The following KLC1 variants were observed in gnomAD, a reference collection of about 807,000 sequenced individuals.
KLC1 encodes the protein kinesin 2 60/70kDa.
Under a neutral mutation model 84.2 loss-of-function variants are expected in KLC1, and 30 were observed. That is an observed-to-expected ratio of 0.36 (90% CI 0.27 to 0.48). The LOEUF is 0.48. KLC1 is among the 20% of genes least tolerant of loss of function. The probability of loss-of-function intolerance (pLI) is 0.99; values close to 1 mark genes in which losing one functional copy is unlikely to be tolerated. For synonymous variants in KLC1, 289 were observed against 293.3 expected (o/e 0.99, Z 0.15); for missense variants, 499 against 805.4 (o/e 0.62, Z 4.60).
chr14:103,653,063 C>T (rs543632627), intron 1 of KLC1, among the ~76,000 whole-genome samples: 9 of 152,180 alleles, frequency 5.9e-5, no homozygotes, highest in Non-Finnish European at 1.3e-4. Flanking sequence ...TCCATCCATT[C>T]ACTACATGGA....
In KLC1 at chr14:103,664,819, CTTTTTTTTTTT is replaced by C. The variant is rs34967823; in HGVS notation, c.797+1906_797+1916del. Among the ~76,000 whole-genome samples the C allele has an allele frequency of 5.9e-5, 6 of 101,980 alleles. No individual in the cohort carries two copies. In the East Asian group the frequency reaches 1.1e-3, roughly 19 times the overall value. 66.9% of individuals were successfully genotyped at this position (101,980 alleles called of 152,430 possible). ...CGTGAACCACTGCACTTGGCCAAGG[CTTTTTTTTTTT>C]TTTTTTTTTTTTTAAACTTATATGC... On this transcript the variant is annotated intron_variant, in intron 5 of 16. Transcript: ENST00000334553.
At chr14:103,681,024 C>T (rs1370060129) in intron 13 of KLC1, among the ~76,000 whole-genome samples, 3 of 152,174 alleles carry the variant, frequency 2.0e-5, no homozygotes, top group Admixed American at 6.5e-5. Context: ...CCGTCAGGCC[C>T]GCGGGCTGGA....
In KLC1 at chr14:103,679,505, A is replaced by G; in HGVS notation, c.1610A>G (p.Asp537Gly). 1 of 1,614,008 alleles carries G rather than the reference A, an allele frequency of 6.2e-7. No homozygotes were observed. The highest frequency in any genetic ancestry group is 8.5e-7 in the Non-Finnish European group (1 of 1,179,938). ...GTGGTCAAGTACGAGAGTGGCCCTGACGGAGGGGAGGAAGTGAGTATGAGC... is the reference window on the plus strand; with the variant it reads ...GTGGTCAAGTACGAGAGTGGCCCTGGCGGAGGGGAGGAAGTGAGTATGAGC... ...VDVVKYESGP[D>G]GGEEVSMSVE... is the part of the protein sequence containing the mutation. Residue 537 changes from aspartate to glycine, a missense_variant, in exon 13 of 17, where the codon GAC (aspartate) becomes GGC (glycine). Around this residue, in one of 3 missense-constraint regions of KLC1, gnomAD observed 167 missense variants for 208.8 expected, o/e 0.80. Transcript: ENST00000334553.
At chr14:103,679,774 T>G in intron 13 of KLC1, 1 of 493,530 alleles carries the variant, frequency 2.0e-6, no homozygotes, top group Non-Finnish European at 3.6e-6. Flanking sequence ...CTTTGAGCAC[T>G]TAAATGCTGA....
chr14:103,691,626 G>A (rs907097403), intron 14 of KLC1, among the ~76,000 whole-genome samples: 7 of 151,714 alleles, frequency 4.6e-5, no homozygotes, highest in African/African-American at 1.7e-4. Context: ...ATGCCACCAT[G>A]CCCAGCTAAT....
chr14:103,680,925 C>T (rs371571781), intron 13 of KLC1, among the ~76,000 whole-genome samples: 39 of 152,134 alleles, frequency 2.6e-4, no homozygotes, highest in Admixed American at 3.9e-4. Context: ...AAAATGGTGA[C>T]GATTCAGAGC....
At chr14:103,674,878 T>C (rs905049166) in intron 9 of KLC1, among the ~76,000 whole-genome samples, 10 of 152,144 alleles carry the variant, frequency 6.6e-5, no homozygotes, top group African/African-American at 2.4e-4. Flanking sequence ...TTTGCTGGGG[T>C]GTCTTGACAG....
intron 15 of KLC1, chr14:103,698,750 C>T (rs1276162892): frequency 1.8e-5 from 28 of 1,531,788 alleles, no homozygotes; most frequent in South Asian, 8.3e-5. Flanking sequence ...GCCCGAGCCC[C>T]GTGTGTCGGG....
At chr14:103,672,849 G>C (rs868009217) in intron 7 of KLC1, among the ~76,000 whole-genome samples, 165 bp from the exon 8 acceptor site, 1 of 152,170 alleles carries the variant, frequency 6.6e-6, no homozygotes, top group Non-Finnish European at 1.5e-5. Flanking sequence ...AGAAATTCTG[G>C]TTATTTTATT....
At chr14:103,683,613 C>T (rs2081545136) in intron 13 of KLC1, 1 of 151,776 alleles carries the variant, frequency 6.6e-6, no homozygotes, top group Non-Finnish European at 1.5e-5. Flanking sequence ...TTACAGTGGT[C>T]CCATCCTCTG....
At chr14:103,654,962 C>T in intron 2 of KLC1, 137 bp downstream of exon 2, 1 of 990,284 alleles carries the variant, frequency 1.0e-6, no homozygotes, top group South Asian at 1.7e-5. Flanking sequence ...CGGTGTGGCT[C>T]AGGCCTGTAA....
At chr14:103,649,302 T>C (rs893091228) in intron 1 of KLC1, among the ~76,000 whole-genome samples, 5 of 151,964 alleles carry the variant, frequency 3.3e-5, no homozygotes, top group Admixed American at 2.0e-4. Context: ...CACAATACTA[T>C]ATAATTGCAA....
rs1462640817 is a variant in KLC1 at position 103,693,634 on chromosome 14, G to A, written c.1848+1209G>A. On this transcript the variant is annotated intron_variant, in intron 15 of 16. Transcript: ENST00000334553. This position sits in a 1 kb window ranked among gnomAD's most constrained non-coding sequence, Gnocchi z 5.1. Reference sequence around the variant, plus strand: ...GGCCCACTGAGAGCCAGCAGGGCTAGGTAACCTGTCTTGGGAGTGTGAGAC... The same window carrying A: ...GGCCCACTGAGAGCCAGCAGGGCTAAGTAACCTGTCTTGGGAGTGTGAGAC... 5 of 1,535,584 alleles carry A rather than the reference G, an allele frequency of 3.3e-6. No individual in the cohort carries two copies. Among genetic ancestry groups the A allele is most frequent in the Non-Finnish European group, 4.4e-6 (5 of 1,146,816 alleles).
At chr14:103,641,319 C>A (rs74924952) in intron 1 of KLC1, among the ~76,000 whole-genome samples, 1 of 151,974 alleles carries the variant, frequency 6.6e-6, no homozygotes, top group Non-Finnish European at 1.5e-5. Context: ...GATACCATAT[C>A]ACATTTAGTC....
At chr14:103,656,206 G>A (rs1182099705) in intron 2 of KLC1, among the ~76,000 whole-genome samples, 2 of 152,168 alleles carry the variant, frequency 1.3e-5, no homozygotes, top group African/African-American at 2.4e-5. Flanking sequence ...AGACCTTATG[G>A]CTGTACCTGG....
intron 11 of KLC1, among the ~76,000 whole-genome samples, chr14:103,676,777 T>C (rs1353456024): frequency 6.6e-6 from 1 of 152,224 alleles, no homozygotes; most frequent in East Asian, 1.9e-4. Context: ...CTAAAATGAA[T>C]CTAGGTTTAT....
chr14:103,639,823 A>G (rs1180079373), intron 1 of KLC1, among the ~76,000 whole-genome samples: 3 of 151,914 alleles, frequency 2.0e-5, no homozygotes, highest in African/African-American at 7.3e-5. Context: ...CAATGGTGCA[A>G]TCATGTTTCA....
At chr14:103,650,469 G>C (rs2078337804) in intron 1 of KLC1, among the ~76,000 whole-genome samples, 1 of 152,144 alleles carries the variant, frequency 6.6e-6, no homozygotes, top group African/African-American at 2.4e-5. Flanking sequence ...GTCCAGTGAT[G>C]GTGTGATTTA....
At chr14:103,698,993 T>TG (rs1567047797) in intron 15 of KLC1, 1 of 1,595,298 alleles carries the variant, frequency 6.3e-7, no homozygotes, top group Non-Finnish European at 8.5e-7. Flanking sequence ...TGCCAAGGGC[T>TG]GGGGAAACAC....
Sources: allele counts gnomAD v4.1 joint callset (sites outside exome capture counted in the v4.1 genomes callset), GRCh38; gene constraint gnomAD v4.1.1; regional missense constraint gnomAD v4.1.1; non-coding constraint Gnocchi (gnomAD v3.1); transcripts MANE v1.5; gene names NCBI Gene and HGNC (gene_info 2026-07-23, HGNC 2026-07-21).